Variants in CHRM2 observed in about 807,000 individuals in gnomAD.
CHRM2 encodes the protein muscarinic acetylcholine receptor M2.
Under a neutral mutation model 25.0 loss-of-function variants are expected in CHRM2, and 8 were observed. The ratio of observed to expected loss-of-function variants is 0.32; its 90% CI spans 0.19 to 0.58. The LOEUF (loss-of-function observed/expected upper bound fraction) is 0.58. CHRM2 is among the 20% of genes least tolerant of loss of function. The probability of loss-of-function intolerance (pLI) is 0.88; values close to 1 mark genes in which losing one functional copy is unlikely to be tolerated. For synonymous variants in CHRM2, 202 were observed against 205.7 expected (o/e 0.98, Z 0.15); for missense variants, 440 against 567.1 (o/e 0.78, Z 2.28).
intron 2 of CHRM2, among the ~76,000 whole-genome samples, chr7:136,929,614 C>T (rs1344522424): frequency 3.9e-5 from 6 of 152,068 alleles, no homozygotes; most frequent in Non-Finnish European, 7.4e-5. Context: ...AATCAGATGT[C>T]ACCATAAAGT....
intron 2 of CHRM2, among the ~76,000 whole-genome samples, chr7:136,974,198 C>T (rs1801967281): frequency 6.6e-6 from 1 of 152,096 alleles, no homozygotes; most frequent in African/African-American, 2.4e-5. Flanking sequence ...GATTTGGGCA[C>T]AGAGAGGGAT....
chr7:137,011,792 G>A (rs1804843832), intron 3 of CHRM2, among the ~76,000 whole-genome samples: 1 of 152,028 alleles, frequency 6.6e-6, no homozygotes, highest in Admixed American at 6.6e-5. Context: ...GCAGTAACAA[G>A]GTGATGGTTC....
chr7:136,923,188 G>A (rs1423971113), intron 2 of CHRM2, among the ~76,000 whole-genome samples: 4 of 151,464 alleles, frequency 2.6e-5, no homozygotes, highest in Non-Finnish European at 4.4e-5. Flanking sequence ...CAGCCACAAG[G>A]AGAGTACTAC....
chr7:136,909,196 T>C (rs1797711284), intron 2 of CHRM2, among the ~76,000 whole-genome samples: 1 of 151,998 alleles, frequency 6.6e-6, no homozygotes, highest in Admixed American at 6.6e-5. Context: ...ATTATTTTGT[T>C]CTCATGATGG....
rs10606389 is a variant in CHRM2, at chr7:136,957,255, A to ATGTG, written c.-124-34911_-124-34908dup. Among the ~76,000 whole-genome samples, 122 of 151,184 alleles carry ATGTG rather than the reference A, an allele frequency of 8.1e-4. 2 individuals carry two copies. In the East Asian group the frequency reaches 0.016, roughly 20 times the overall value. ...CAACATAACAGGTGTCATAGTGTAT[A>ATGTG]TGTGTGTGTGTGTGTGTGTGTGTGC... On this transcript the variant is annotated intron_variant, in intron 2 of 3. Transcript: ENST00000680005.
chr7:136,966,220 C>T (rs1801407478), intron 2 of CHRM2, among the ~76,000 whole-genome samples: 1 of 151,390 alleles, frequency 6.6e-6, no homozygotes, highest in South Asian at 2.1e-4. Flanking sequence ...CTTTACAAAA[C>T]CATTTTCAAT....
intron 2 of CHRM2, among the ~76,000 whole-genome samples, chr7:136,956,373 T>C (rs1194215745): frequency 6.6e-6 from 1 of 152,182 alleles, no homozygotes; most frequent in Non-Finnish European, 1.5e-5. Context: ...TGAGCCTTAA[T>C]ATAAATGTAC....
intron 2 of CHRM2, among the ~76,000 whole-genome samples, chr7:136,940,993 C>T (rs1799739497): frequency 6.6e-6 from 1 of 152,148 alleles, no homozygotes; most frequent in Admixed American, 6.5e-5. Flanking sequence ...GGGGCCTGAC[C>T]TTGCCCAGCT....
intron 2 of CHRM2, among the ~76,000 whole-genome samples, chr7:136,978,500 G>A (rs937008241): frequency 1.3e-5 from 2 of 152,246 alleles, no homozygotes; most frequent in East Asian, 1.9e-4. Context: ...TGGGCAGAAC[G>A]TGCAGGTTTG....
chr7:136,892,666 A>G (rs1020296497), intron 2 of CHRM2, among the ~76,000 whole-genome samples: 6 of 142,108 alleles, frequency 4.2e-5, no homozygotes, highest in African/African-American at 1.6e-4. Flanking sequence ...CTCTTATTAA[A>G]AGTTCTTTTT....
At chr7:136,962,642 T>C (rs1459781685) in intron 2 of CHRM2, among the ~76,000 whole-genome samples, 1 of 152,210 alleles carries the variant, frequency 6.6e-6, no homozygotes, top group Admixed American at 6.5e-5. Flanking sequence ...GTAAGTTTCA[T>C]TTACTTGGCA....
intron 2 of CHRM2, among the ~76,000 whole-genome samples, chr7:136,968,627 AAAGGTCTAT>A (rs1286807759): frequency 2.0e-5 from 3 of 151,166 alleles, no homozygotes; most frequent in African/African-American, 7.3e-5. Context: ...GTAACAACCC[AAAGGTCTAT>A]TGGCAGATGA....
intron 2 of CHRM2, chr7:136,907,868 A>AG (rs571538957): frequency 6.6e-6 from 1 of 152,094 alleles, no homozygotes; most frequent in African/African-American, 2.4e-5. Context: ...GATCCAGAGC[A>AG]GGGGATATTC....
intron 2 of CHRM2, among the ~76,000 whole-genome samples, chr7:136,961,082 G>A (rs370696644): frequency 5.9e-5 from 9 of 151,852 alleles, no homozygotes; most frequent in South Asian, 4.2e-4. Context: ...CCAAGATGGC[G>A]CCACTGCACT....
At chr7:136,987,272 G>T (rs2131001856) in intron 2 of CHRM2, among the ~76,000 whole-genome samples, 1 of 152,252 alleles carries the variant, frequency 6.6e-6, no homozygotes, top group African/African-American at 2.4e-5. Flanking sequence ...TCCTTCTTTT[G>T]CTGCAAGACA....
chr7:136,941,568 G>T (rs535476677), intron 2 of CHRM2, among the ~76,000 whole-genome samples: 1 of 152,270 alleles, frequency 6.6e-6, no homozygotes, highest in South Asian at 2.1e-4. Context: ...AGCCGAGAGA[G>T]AGGCTTATCT....
At chr7:136,977,732 A>C (rs1802197737) in intron 2 of CHRM2, among the ~76,000 whole-genome samples, 1 of 152,192 alleles carries the variant, frequency 6.6e-6, no homozygotes, top group Non-Finnish European at 1.5e-5. Context: ...TAAAAGAATC[A>C]TTGGTTTAAT....
intron 2 of CHRM2, among the ~76,000 whole-genome samples, chr7:136,891,428 T>C (rs1209728419): frequency 6.6e-6 from 1 of 152,172 alleles, no homozygotes; most frequent in Non-Finnish European, 1.5e-5. Context: ...TTTTCTCTGG[T>C]TAGAATGGGG....
intron 2 of CHRM2, among the ~76,000 whole-genome samples, chr7:136,930,032 C>A (rs1214902040): frequency 6.6e-6 from 1 of 151,634 alleles, no homozygotes. Flanking sequence ...GCAGAGATTG[C>A]CAGATTGCAC....
Sources: gnomAD v4.1 joint callset for allele counts (sites outside exome capture counted in the v4.1 genomes callset) on GRCh38, gnomAD v4.1.1 for gene constraint, MANE v1.5 for transcripts, NCBI Gene and HGNC (gene_info 2026-07-23, HGNC 2026-07-21) for gene names.